The following SEMA6A variants were observed in gnomAD, a reference collection of about 807,000 sequenced individuals.
SEMA6A encodes the protein semaphorin 6A.
SEMA6A carries 25 observed loss-of-function variants against 96.8 expected under a neutral mutation model. The ratio of observed to expected loss-of-function variants is 0.26; its 90% CI spans 0.19 to 0.36. The LOEUF (loss-of-function observed/expected upper bound fraction) is 0.36, where lower values mean the gene tolerates loss of function less well. SEMA6A is among the 10% of genes least tolerant of loss of function. The pLI, the probability that SEMA6A is intolerant of heterozygous loss-of-function variation, is 1.00. For missense variants in SEMA6A, 1,363 were observed against 1,323.1 expected, an observed-to-expected ratio of 1.03 and a Z score of -0.47; for synonymous variants, 612 against 518.0, an observed-to-expected ratio of 1.18 and a Z score of -2.46.
chr5:116,530,670 CTGTT>C (rs1045497841), intron 1 of SEMA6A, among the ~76,000 whole-genome samples: 1 of 152,004 alleles, frequency 6.6e-6, no homozygotes, highest in Non-Finnish European at 1.5e-5. Context: ...TTATTTAAAA[CTGTT>C]TGGACTTCTG....
At chr5:116,557,396 G>A (rs1760648974) in intron 1 of SEMA6A, among the ~76,000 whole-genome samples, 1 of 152,186 alleles carries the variant, frequency 6.6e-6, no homozygotes, top group South Asian at 2.1e-4. Flanking sequence ...ATTTTTAGTA[G>A]AGACGGGGTT....
At chr5:116,523,894 A>G (rs1561515934) in intron 1 of SEMA6A, among the ~76,000 whole-genome samples, 1 of 152,176 alleles carries the variant, frequency 6.6e-6, no homozygotes, top group Non-Finnish European at 1.5e-5. Flanking sequence ...TTTCATTTCA[A>G]TGCCTTCAGC....
chr5:116,519,350 A>G (rs994821963), intron 1 of SEMA6A, among the ~76,000 whole-genome samples: 1 of 152,164 alleles, frequency 6.6e-6, no homozygotes, highest in Non-Finnish European at 1.5e-5. Flanking sequence ...GTACTTTTTT[A>G]GTGTTTTGGG....
Position 116,574,325 on chromosome 5 carries a change from A to G in SEMA6A, c.-179T>C, listed in dbSNP as rs921371918. The G allele has an allele frequency of 2.2e-4, 34 of 152,104 alleles. No individual in the cohort carries two copies. The highest frequency in any genetic ancestry group is 7.5e-4 in the African/African-American group (31 of 41,262). 9.4% of individuals were successfully genotyped at this position (152,104 alleles called of 1,614,324 possible). A position where few individuals can be genotyped will look rare whatever the true frequency, so the allele number is the denominator to read the frequency against. On this transcript the variant is annotated 5_prime_UTR_variant, in exon 1 of 19. It removes the in-frame stop codon of an upstream open reading frame in the 5' UTR. Coordinates refer to ENST00000343348, the MANE Select transcript of SEMA6A (RefSeq NM_020796.5). ...TCCTTCGCAAGCCTTTGTCATTCCT[A>G]CATGTGTGCTTGTCTCTTTGGGGGA...
chr5:116,454,628 C>A (rs531061924), intron 18 of SEMA6A, among the ~76,000 whole-genome samples: 6 of 152,234 alleles, frequency 3.9e-5, no homozygotes, highest in African/African-American at 1.2e-4. Flanking sequence ...GGTGACCACG[C>A]TGAAAGTGAA....
intron 1 of SEMA6A, among the ~76,000 whole-genome samples, chr5:116,546,037 T>C (rs1760172431): frequency 6.6e-6 from 1 of 152,228 alleles, no homozygotes; most frequent in African/African-American, 2.4e-5. Context: ...AAATAATAAA[T>C]CATTTCAATA....
chr5:116,451,050 G>C (rs1754600092), intron 18 of SEMA6A, among the ~76,000 whole-genome samples: 1 of 152,204 alleles, frequency 6.6e-6, no homozygotes, highest in Non-Finnish European at 1.5e-5. Flanking sequence ...GAAGATCTCA[G>C]TGGGCTTGGA....
chr5:116,536,339 C>T (rs761378740), intron 1 of SEMA6A: 20 of 152,092 alleles, frequency 1.3e-4, no homozygotes, highest in Non-Finnish European at 2.8e-4. Context: ...ACTAGGATTC[C>T]TGCTTGGCTG....
At chr5:116,529,659 CTG>C (rs1759376056) in intron 1 of SEMA6A, among the ~76,000 whole-genome samples, 1 of 152,110 alleles carries the variant, frequency 6.6e-6, no homozygotes, top group Non-Finnish European at 1.5e-5. Flanking sequence ...CAAATCCACA[CTG>C]TTTCAAAAAA....
chr5:116,478,120 T>G lies in SEMA6A; in HGVS notation c.1462A>C (p.Met488Leu), dbSNP rs764939475. The G allele has an allele frequency of 1.2e-6, 2 of 1,613,840 alleles. No homozygotes were observed. Among genetic ancestry groups the G allele is most frequent in the Non-Finnish European group, 1.7e-6 (2 of 1,179,868 alleles). ...CTTGCTCTGTCCAGCTGCATGCCCATGATCCTTTTGTCTTCGACTCCATCA... is the reference window on the plus strand; with the variant it reads ...CTTGCTCTGTCCAGCTGCATGCCCAGGATCCTTTTGTCTTCGACTCCATCA... ...SYDGVEDKRIMGMQLDRASSS... is the reference protein window; with the variant it reads ...SYDGVEDKRILGMQLDRASSS... Residue 488 changes from methionine to leucine, a missense_variant, in exon 14 of 19, where the codon ATG becomes CTG. Around this residue, in one of 2 missense-constraint regions of SEMA6A, gnomAD observed 883 missense variants for 763.6 expected, o/e 1.16. Coordinates refer to ENST00000343348, the MANE Select transcript of SEMA6A (RefSeq NM_020796.5).
In SEMA6A at chr5:116,480,190, C is replaced by T. The variant is rs369918649; in HGVS notation, c.1182G>A (p.Thr394=). 12 of 1,613,666 alleles carry T rather than the reference C, an allele frequency of 7.4e-6. No individual in the cohort carries two copies. Among genetic ancestry groups the T allele is most frequent in the East Asian group, 4.5e-5 (2 of 44,882 alleles). ...GCACTGCCTCATCCATGAGCGGGTG[C>T]GTCTTGATGAAGTTCAGGGTATCAT... is the stretch of plus-strand genomic sequence containing the variant. ...FPDDTLNFIK[T]HPLMDEAVPS... is the part of the protein sequence containing the mutation. The change falls in exon 12 of 19, where the codon ACG becomes ACA. Residue 394 remains threonine, a synonymous_variant. Coordinates refer to ENST00000343348, the MANE Select transcript of SEMA6A (RefSeq NM_020796.5).
At chr5:116,517,810 G>C (rs1234202472) in intron 1 of SEMA6A, among the ~76,000 whole-genome samples, 2 of 152,116 alleles carry the variant, frequency 1.3e-5, no homozygotes, top group African/African-American at 4.8e-5. Flanking sequence ...CCATCTGATG[G>C]CCAACTACAA....
intron 1 of SEMA6A, among the ~76,000 whole-genome samples, chr5:116,508,920 G>T (rs1308922173): frequency 1.3e-5 from 2 of 152,200 alleles, no homozygotes; most frequent in Non-Finnish European, 2.9e-5. Flanking sequence ...GAGGTATTCT[G>T]TTCCTCTTGA....
At chr5:116,477,638 G>A (rs914238081) in intron 15 of SEMA6A, among the ~76,000 whole-genome samples, 3 of 152,152 alleles carry the variant, frequency 2.0e-5, no homozygotes, top group African/African-American at 4.8e-5. Flanking sequence ...TAATCAGTCC[G>A]AGGATGATTA....
intron 1 of SEMA6A, chr5:116,554,792 A>T (rs1443088059): frequency 6.6e-6 from 1 of 152,094 alleles, no homozygotes; most frequent in African/African-American, 2.4e-5. Context: ...CTGGCTATGG[A>T]GAAAGCTCAG....
In SEMA6A at chr5:116,447,459, G is replaced by A. The variant is rs1754304876; in HGVS notation, c.2247C>T (p.His749=). 4 of 1,613,956 alleles carry A rather than the reference G, an allele frequency of 2.5e-6. No homozygotes were observed. The highest frequency in any genetic ancestry group is 3.4e-6 in the Non-Finnish European group (4 of 1,179,912). Residue 749 remains histidine (H), a synonymous_variant, in exon 19 of 19, where the codon CAC becomes CAT. Transcript: ENST00000343348. ...GGGTGGGGAGGGCCGTCAGGTCCAG[G>A]TGGTGCTGGTCTGCTTTAATGAGCA... The part of the protein sequence containing the change: ...AKMLIKADQH[H]LDLTALPTPE...
chr5:116,446,559 AGCGGGCACC>A lies in SEMA6A; in HGVS notation c.*45_*53del. ...GGCAGTTGAGAACCTTGCTGAGCTG[AGCGGGCACC>A]TCGCCTTGCCTGCTGGTTCGACACC... On this transcript the variant is annotated 3_prime_UTR_variant, in exon 19 of 19. Coordinates refer to ENST00000343348, the MANE Select transcript of SEMA6A (RefSeq NM_020796.5). 1 of 1,409,786 alleles carries A rather than the reference AGCGGGCACC, an allele frequency of 7.1e-7. No individual in the cohort carries two copies. Among genetic ancestry groups the A allele is most frequent in the East Asian group, 2.5e-5 (1 of 39,786 alleles). The allele number at this position is 1,409,786 out of a possible 1,614,324, so 87.3% of individuals were successfully genotyped here.
intron 5 of SEMA6A, 35 bp from the exon 6 acceptor site, chr5:116,495,549 C>T: frequency 7.0e-7 from 1 of 1,432,998 alleles, no homozygotes; most frequent in South Asian, 1.2e-5. Context: ...GTATCATGTC[C>T]ATTCAGTACA....
At chr5:116,492,953 TCC>T (rs1757401610) in intron 6 of SEMA6A, among the ~76,000 whole-genome samples, 1 of 151,992 alleles carries the variant, frequency 6.6e-6, no homozygotes, top group East Asian at 1.9e-4. Context: ...TGTCACACTG[TCC>T]CCTGAGTCTA....
Sources: allele counts gnomAD v4.1 joint callset (sites outside exome capture counted in the v4.1 genomes callset), GRCh38; gene constraint gnomAD v4.1.1; regional missense constraint gnomAD v4.1.1; transcripts MANE v1.5; gene names NCBI Gene and HGNC (gene_info 2026-07-23, HGNC 2026-07-21).